TMEM170B: variants seen among roughly 807,000 people sequenced by gnomAD.
TMEM170B encodes the protein transmembrane protein 170B.
Under a neutral mutation model 13.0 loss-of-function variants are expected in TMEM170B, and 6 were observed. The ratio of observed to expected loss-of-function variants is 0.46; its 90% CI spans 0.25 to 0.91. The LOEUF is 0.91. Ranked by LOEUF, TMEM170B falls within the 40% of genes least tolerant of loss-of-function variation. TMEM170B has a pLI of 0.17. For synonymous variants in TMEM170B, 61 were observed against 64.9 expected (o/e 0.94, Z 0.29); for missense variants, 138 against 165.2 (o/e 0.84, Z 0.90).
rs656674 is a variant in TMEM170B at position 11,575,897 on chromosome 6, T to C, written c.*336T>C. The C allele has an allele frequency of 0.95, 165,635 of 173,636 alleles. 79,520 individuals carry two copies. Among genetic ancestry groups the C allele is most frequent in the East Asian group, 1 (6,419 of 6,420 alleles). 10.8% of individuals were successfully genotyped at this position (173,636 alleles called of 1,614,324 possible). On this transcript the variant is annotated 3_prime_UTR_variant, in exon 3 of 3. Transcript: ENST00000379426. The surrounding 1 kb of genome is among the most constrained non-coding windows in gnomAD (Gnocchi z 4.1). ...GTTATGTTAAGTTACAGGGACGTTT[T>C]GAGGTATTGATATATGTGCCAAACT...
At chr6:11,539,080 T>A (rs1759324875) in intron 1 of TMEM170B, among the ~76,000 whole-genome samples, 1 of 152,256 alleles carries the variant, frequency 6.6e-6, no homozygotes, top group African/African-American at 2.4e-5. Flanking sequence ...ATTGGCCTTA[T>A]AACATCAATT....
Position 11,580,357 on chromosome 6 carries a change from A to G in TMEM170B, c.*4796A>G, listed in dbSNP as rs1727650387. ...ATACTATTATTTTAAATTTATGTTCATTATGTAATTCAGGGAGTAACGATG... is the reference window on the plus strand; with the variant it reads ...ATACTATTATTTTAAATTTATGTTCGTTATGTAATTCAGGGAGTAACGATG... On this transcript the variant is annotated 3_prime_UTR_variant, in exon 3 of 3. Transcript: ENST00000379426. 6.6e-6 allele frequency: 1 copy of G among 152,070 alleles called. No individual in the cohort carries two copies. Among genetic ancestry groups the G allele is most frequent in the African/African-American group, 2.4e-5 (1 of 41,404 alleles). 9.4% of individuals were successfully genotyped at this position (152,070 alleles called of 1,614,324 possible).
rs1026316156 is a variant in TMEM170B at position 11,575,327 on chromosome 6, T to C, written c.269-104T>C. On this transcript the variant is annotated intron_variant, in intron 2 of 2. Transcript: ENST00000379426. The surrounding 1 kb of genome is among the most constrained non-coding windows in gnomAD (Gnocchi z 4.1). ...AGTGGATAAAATGAGAAAAAAATGA[T>C]GACTTATGTTTTGATGAAATGAAAA... 1.4e-6 allele frequency: 2 copies of C among 1,411,630 alleles called. No homozygotes were observed. Among genetic ancestry groups the C allele is most frequent in the Non-Finnish European group, 9.6e-7 (1 of 1,041,426 alleles). The allele number at this position is 1,411,630 out of a possible 1,614,324, so 87.4% of individuals were successfully genotyped here. A position where few individuals can be genotyped will look rare whatever the true frequency, so the allele number is the denominator to read the frequency against.
intron 2 of TMEM170B, among the ~76,000 whole-genome samples, chr6:11,572,923 A>G (rs1023628910): frequency 1.3e-5 from 2 of 152,168 alleles, no homozygotes; most frequent in African/African-American, 2.4e-5. Flanking sequence ...ATACAAATCT[A>G]TATTTTCCTT....
At position 11,575,689 on chromosome 6, in the gene TMEM170B, G is replaced by C; in HGVS notation, c.*128G>C. The C allele has an allele frequency of 8.6e-7, 1 of 1,158,738 alleles. No homozygotes were observed. Among genetic ancestry groups the C allele is most frequent in the South Asian group, 1.4e-5 (1 of 69,808 alleles). The allele number at this position is 1,158,738 out of a possible 1,614,324, so 71.8% of individuals were successfully genotyped here. On this transcript the variant is annotated 3_prime_UTR_variant, in exon 3 of 3. Transcript: ENST00000379426. The surrounding 1 kb of genome is among the most constrained non-coding windows in gnomAD (Gnocchi z 4.1). ...ACTGAGCAGGTCAAAGCATAAGGAAGACCTTGAGCTGTGTGGAAGGATTGC... is the reference window on the plus strand; with the variant it reads ...ACTGAGCAGGTCAAAGCATAAGGAACACCTTGAGCTGTGTGGAAGGATTGC...
Position 11,576,177 on chromosome 6 carries a change from T to C in TMEM170B, c.*616T>C, listed in dbSNP as rs1759871681. On this transcript the variant is annotated 3_prime_UTR_variant, in exon 3 of 3. Coordinates refer to ENST00000379426, the MANE Select transcript of TMEM170B (RefSeq NM_001100829.3). ...TTATTTAATTGATGTGGAAGATAAG[T>C]CTTCTTAACTGAAGACTAGCTCAAC... The C allele has an allele frequency of 6.6e-6, 1 of 152,194 alleles. No homozygotes were observed. The highest frequency in any genetic ancestry group is 1.5e-5 in the Non-Finnish European group (1 of 68,056). The allele number at this position is 152,194 out of a possible 1,614,324, so 9.4% of individuals were successfully genotyped here.
Position 11,538,256 on chromosome 6 carries a change from C to G in TMEM170B, c.-22C>G, listed in dbSNP as rs574211125. 8.5e-6 allele frequency: 11 copies of G among 1,291,014 alleles called. No individual in the cohort carries two copies. The African/African-American group carries it at 1.6e-4, about 18-fold the overall frequency. 80.0% of individuals were successfully genotyped at this position (1,291,014 alleles called of 1,614,324 possible). ...CGCCGCCCGGCACCCGAGGAGAGGG[C>G]GGCGGGCGCCCCTCGGGGAAGATGA... On this transcript the variant is annotated 5_prime_UTR_variant, in exon 1 of 3. Coordinates refer to ENST00000379426, the MANE Select transcript of TMEM170B (RefSeq NM_001100829.3).
At chr6:11,562,002 CAAT>C (rs1759671119) in intron 1 of TMEM170B, among the ~76,000 whole-genome samples, 1 of 152,024 alleles carries the variant, frequency 6.6e-6, no homozygotes, top group Non-Finnish European at 1.5e-5. Context: ...TAAATATAGT[CAAT>C]AAATAAATTA....
At chr6:11,548,666 A>G (rs1176847000) in intron 1 of TMEM170B, among the ~76,000 whole-genome samples, 1 of 152,218 alleles carries the variant, frequency 6.6e-6, no homozygotes, top group East Asian at 1.9e-4. Context: ...AAGACTTGGA[A>G]CCAACCCACA....
chr6:11,571,982 A>G (rs1357231184), intron 2 of TMEM170B, among the ~76,000 whole-genome samples: 1 of 152,182 alleles, frequency 6.6e-6, no homozygotes, highest in East Asian at 1.9e-4. Flanking sequence ...CAGATAGATA[A>G]TATCTCTTAC....
chr6:11,565,488 CA>C (rs1294322651), intron 1 of TMEM170B, among the ~76,000 whole-genome samples, 177 bp from the exon 2 acceptor site: 1 of 152,170 alleles, frequency 6.6e-6, no homozygotes, highest in Non-Finnish European at 1.5e-5. Flanking sequence ...CATCAGGCAT[CA>C]GCGATGATGA....
At chr6:11,569,072 C>G (rs1398539114) in intron 2 of TMEM170B, among the ~76,000 whole-genome samples, 1 of 152,012 alleles carries the variant, frequency 6.6e-6, no homozygotes, top group Non-Finnish European at 1.5e-5. Flanking sequence ...TTGAGCATCT[C>G]TTCTTATGTT....
At position 11,576,576 on chromosome 6, in the gene TMEM170B, A is replaced by G. The variant is rs1480371104; in HGVS notation, c.*1015A>G. On this transcript the variant is annotated 3_prime_UTR_variant, in exon 3 of 3. Transcript: ENST00000379426. ...TCATTCTGGAGTATTAACTGTTTTT[A>G]GAGACTGGCCTAAATTAGGCTCTGG... 1.3e-5 allele frequency: 2 copies of G among 152,144 alleles called. No individual in the cohort carries two copies. Among genetic ancestry groups the G allele is most frequent in the East Asian group, 3.8e-4 (2 of 5,202 alleles). The allele number at this position is 152,144 out of a possible 1,614,324, so 9.4% of individuals were successfully genotyped here.
intron 1 of TMEM170B, among the ~76,000 whole-genome samples, chr6:11,555,387 T>G (rs1759574705): frequency 6.6e-6 from 1 of 152,170 alleles, no homozygotes; most frequent in Non-Finnish European, 1.5e-5. Context: ...GGTTTATTTT[T>G]GTTTTGTTGT....
chr6:11,546,756 A>G (rs1331385149), intron 1 of TMEM170B, among the ~76,000 whole-genome samples: 1 of 152,210 alleles, frequency 6.6e-6, no homozygotes, highest in Non-Finnish European at 1.5e-5. Flanking sequence ...CCTAAATGGA[A>G]TATATGTTAG....
chr6:11,544,646 G>A (rs939695664), intron 1 of TMEM170B, among the ~76,000 whole-genome samples: 1 of 152,116 alleles, frequency 6.6e-6, no homozygotes, highest in African/African-American at 2.4e-5. Flanking sequence ...CACTTGTATG[G>A]GGATTCCATG....
chr6:11,558,049 A>G (rs568829006), intron 1 of TMEM170B, among the ~76,000 whole-genome samples: 1 of 152,292 alleles, frequency 6.6e-6, no homozygotes, highest in Non-Finnish European at 1.5e-5. Flanking sequence ...AGCTGGGACT[A>G]TGGGCTTATG....
intron 1 of TMEM170B, among the ~76,000 whole-genome samples, chr6:11,552,250 T>C (rs902730477): frequency 2.0e-5 from 3 of 152,228 alleles, no homozygotes; most frequent in Admixed American, 6.5e-5. Context: ...TTTGGACTTA[T>C]TAAAATTTCA....
chr6:11,546,891 T>G (rs1160057000), intron 1 of TMEM170B, among the ~76,000 whole-genome samples: 2 of 152,222 alleles, frequency 1.3e-5, no homozygotes, highest in Non-Finnish European at 2.9e-5. Context: ...CTATGTTTTT[T>G]CCTACACATG....
Sources: gnomAD v4.1 joint callset for allele counts (sites outside exome capture counted in the v4.1 genomes callset) on GRCh38, gnomAD v4.1.1 for gene constraint, Gnocchi (gnomAD v3.1) non-coding constraint, MANE v1.5 for transcripts, NCBI Gene and HGNC (gene_info 2026-07-23, HGNC 2026-07-21) for gene names.